Variants in SLC22A23 observed in about 807,000 individuals in gnomAD.
The protein encoded by SLC22A23 is solute carrier family 22 member 23.
Under a neutral mutation model 61.0 loss-of-function variants are expected in SLC22A23, and 26 were observed. That is an observed-to-expected ratio of 0.43 (90% confidence interval 0.31 to 0.59). The LOEUF (loss-of-function observed/expected upper bound fraction) is 0.59, where lower values mean the gene tolerates loss of function less well. Among genes scored for constraint, SLC22A23 ranks in the 20% least tolerant of loss-of-function variants. SLC22A23 has a pLI of 0.11. For synonymous variants in SLC22A23, 430 were observed against 413.9 expected, an observed-to-expected ratio of 1.04 and a Z score of -0.47; for missense variants, 796 against 934.7, an observed-to-expected ratio of 0.85 and a Z score of 1.94.
chr6:3,298,268 A>T (rs372446269), intron 4 of SLC22A23, 50 bp from the exon 5 acceptor site: 25 of 1,554,964 alleles, frequency 1.6e-5, no homozygotes, highest in Non-Finnish European at 2.2e-5. Context: ...TCTGCACGGC[A>T]CCGGGAAGTG....
At position 3,328,039 on chromosome 6, in the gene SLC22A23, C is replaced by T. The variant is rs575102575; in HGVS notation, c.914-4037G>A. 1.4e-4 allele frequency among the ~76,000 whole-genome samples: 22 copies of T among 152,074 alleles called. No homozygotes were observed. The highest frequency in any genetic ancestry group is 4.8e-4 in the African/African-American group (20 of 41,466). Reference sequence around the variant, plus strand: ...CATAACAATATAATTATTGCCAAGTCGCTCATTGGTCTCATTCGACATGGT... The same window carrying T: ...CATAACAATATAATTATTGCCAAGTTGCTCATTGGTCTCATTCGACATGGT... On this transcript the variant is annotated intron_variant, in intron 3 of 9. Coordinates refer to ENST00000406686, the MANE Select transcript of SLC22A23 (RefSeq NM_015482.2). The surrounding 1 kb of genome is among the most constrained non-coding windows in gnomAD (Gnocchi z 5.0).
chr6:3,341,975 G>A lies in SLC22A23; in HGVS notation c.914-17973C>T, dbSNP rs183746878. ...GGGCCCAAGTGATTATCTATATTTC[G>A]ATTCATGGATAGAGGAAGACATCTG... is the stretch of plus-strand genomic sequence containing the variant. On this transcript the variant is annotated intron_variant, in intron 3 of 9. Transcript: ENST00000406686. 4.3e-3 allele frequency among the ~76,000 whole-genome samples: 659 copies of A among 152,024 alleles called. 4 individuals are homozygous for A. The highest frequency in any genetic ancestry group is 0.01 in the Middle Eastern group (3 of 294).
At chr6:3,301,472 G>A (rs1380520360) in intron 4 of SLC22A23, among the ~76,000 whole-genome samples, 1 of 152,226 alleles carries the variant, frequency 6.6e-6, no homozygotes, top group African/African-American at 2.4e-5. Context: ...AGTCTCTACA[G>A]TTTTGAAATA....
At chr6:3,364,115 G>A (rs1765653018) in intron 3 of SLC22A23, among the ~76,000 whole-genome samples, 1 of 152,168 alleles carries the variant, frequency 6.6e-6, no homozygotes, top group African/African-American at 2.4e-5. Flanking sequence ...AACCTCTTTG[G>A]GATGAGTCAA....
intron 4 of SLC22A23, among the ~76,000 whole-genome samples, chr6:3,323,082 T>G (rs1312831147): frequency 6.6e-6 from 1 of 152,096 alleles, no homozygotes; most frequent in African/African-American, 2.4e-5. Context: ...GTTGCCCAGG[T>G]CAAACCCCCT....
chr6:3,383,594 T>C (rs1182438926), intron 3 of SLC22A23, among the ~76,000 whole-genome samples: 1 of 152,212 alleles, frequency 6.6e-6, no homozygotes, highest in Admixed American at 6.5e-5. Flanking sequence ...CCTCTGACTC[T>C]GATGTGAGGG....
chr6:3,273,154 G>A lies in SLC22A23; in HGVS notation c.1962C>T (p.Thr654=). The A allele has an allele frequency of 6.2e-7, 1 of 1,611,934 alleles. No homozygotes were observed. Among genetic ancestry groups the A allele is most frequent in the Non-Finnish European group, 8.5e-7 (1 of 1,179,844 alleles). ...CCGAGTAGTCCTTGAGCTCGGCGTT[G>A]GTGAGCAGCAGTGGCTGCTCCCCCT... ...HKKGEQPLLL[T]NAELKDYSGL... is the part of the protein sequence containing the mutation. The change falls in exon 10 of 10, where the codon ACC becomes ACT. Residue 654 remains threonine (T), a synonymous_variant. Transcript: ENST00000406686.
chr6:3,432,802 T>G (rs572435287), intron 1 of SLC22A23, among the ~76,000 whole-genome samples: 34 of 152,318 alleles, frequency 2.2e-4, no homozygotes, highest in African/African-American at 7.5e-4. Context: ...TCGTTGCTCT[T>G]TTTAAGGTTT....
chr6:3,310,238 C>G (rs1182686174), intron 4 of SLC22A23, among the ~76,000 whole-genome samples: 1 of 147,200 alleles, frequency 6.8e-6, no homozygotes, highest in Non-Finnish European at 1.5e-5. Flanking sequence ...CACTGGAGCA[C>G]CCTGTCTCCC....
chr6:3,285,027 A>C (rs1759847602), intron 8 of SLC22A23, 52 bp downstream of exon 8: 1 of 1,603,990 alleles, frequency 6.2e-7, no homozygotes, highest in Non-Finnish European at 8.5e-7. Context: ...GAAAACACCC[A>C]TTTAGATGTA....
intron 1 of SLC22A23, among the ~76,000 whole-genome samples, chr6:3,440,474 G>A (rs928062357): frequency 1.5e-4 from 23 of 152,168 alleles, no homozygotes; most frequent in Admixed American, 2.6e-4. Context: ...TTGGGAGGCC[G>A]AGGCAGGTGG....
chr6:3,283,563 C>T (rs1759679199), intron 9 of SLC22A23: 1 of 397,594 alleles, frequency 2.5e-6, no homozygotes, highest in East Asian at 5.6e-5. Flanking sequence ...GCTGCACTCC[C>T]CCCCTTGCCA....
chr6:3,428,226 G>A (rs1770632172), intron 1 of SLC22A23, among the ~76,000 whole-genome samples: 1 of 152,176 alleles, frequency 6.6e-6, no homozygotes, highest in Admixed American at 6.5e-5. Context: ...CCCAAGTCGC[G>A]GCCCTCACCA....
At chr6:3,278,563 G>A (rs114901277) in intron 9 of SLC22A23, among the ~76,000 whole-genome samples, 168 of 152,348 alleles carry the variant, frequency 1.1e-3, no homozygotes, top group Non-Finnish European at 1.9e-3. Flanking sequence ...ACAGGCACGT[G>A]CTGTTTGTGC....
In SLC22A23 at chr6:3,351,201, G is replaced by T. The variant is rs184541979; in HGVS notation, c.914-27199C>A. Reference sequence around the variant, plus strand: ...AGGAAAGAAAGTGAGAGCTAGAGAGGCCCTCGCAGTTAAAGCCCCCAGCTT... The same window carrying T: ...AGGAAAGAAAGTGAGAGCTAGAGAGTCCCTCGCAGTTAAAGCCCCCAGCTT... On this transcript the variant is annotated intron_variant, in intron 3 of 9. Transcript: ENST00000406686. Among the ~76,000 whole-genome samples the T allele has an allele frequency of 1.8e-3, 269 of 152,248 alleles. 2 individuals carry two copies. The highest frequency in any genetic ancestry group is 6.1e-3 in the African/African-American group (255 of 41,542).
At position 3,456,445 on chromosome 6, in the gene SLC22A23, C is replaced by A; in HGVS notation, c.115G>T (p.Gly39Trp). The A allele has an allele frequency of 8.1e-7, 1 of 1,228,296 alleles. No individual in the cohort carries two copies. Among genetic ancestry groups the A allele is most frequent in the Non-Finnish European group, 1.0e-6 (1 of 988,258 alleles). The allele number at this position is 1,228,296 out of a possible 1,614,324, so 76.1% of individuals were successfully genotyped here. A position where few individuals can be genotyped will look rare whatever the true frequency, so the allele number is the denominator to read the frequency against. ...PGDAAASAPL[G>W]GRAGPGGGAE... is the part of the protein sequence containing the mutation. Reference sequence around the variant, plus strand: ...CCGCCGCCGGGGCCCGCGCGTCCCCCGAGGGGCGCCGAGGCCGCCGCGTCC... The same window carrying A: ...CCGCCGCCGGGGCCCGCGCGTCCCCAGAGGGGCGCCGAGGCCGCCGCGTCC... The change falls in exon 1 of 10, where the codon GGG (glycine) becomes TGG (tryptophan). Residue 39 changes from glycine (G) to tryptophan (W), a missense_variant. Transcript: ENST00000406686. This position sits in a 1 kb window ranked among gnomAD's most constrained non-coding sequence, Gnocchi z 7.1.
chr6:3,449,584 A>C (rs912030779), intron 1 of SLC22A23, among the ~76,000 whole-genome samples: 6 of 152,264 alleles, frequency 3.9e-5, no homozygotes, highest in Non-Finnish European at 1.5e-5. Context: ...AACTTCCTTC[A>C]TAACAAGAGA....
rs141437724 is a variant in SLC22A23, at chr6:3,413,843, A to G, written c.758+1909T>C. 4.5e-3 allele frequency among the ~76,000 whole-genome samples: 686 copies of G among 152,290 alleles called. 6 individuals carry two copies. The highest frequency in any genetic ancestry group is 0.016 in the African/African-American group (648 of 41,558). ...GAGTTGGAAAATACCAAGCTTTCAA[A>G]CTGAAAGGGAAGGCCACTCAAAATG... On this transcript the variant is annotated intron_variant, in intron 2 of 9. Transcript: ENST00000406686.
At position 3,323,869 on chromosome 6, in the gene SLC22A23, G is replaced by A. The variant is rs1378075992; in HGVS notation, c.1047C>T (p.Ile349=). 19 of 1,613,992 alleles carry A rather than the reference G, an allele frequency of 1.2e-5. No homozygotes were observed. Among genetic ancestry groups the A allele is most frequent in the Non-Finnish European group, 1.5e-5 (18 of 1,180,006 alleles). Reference sequence around the variant, plus strand: ...GCAGCATGAGCAGGAAGGGGCAGATGATGAGGGCCTGCAGCACCTGCCAAT... The same window carrying A: ...GCAGCATGAGCAGGAAGGGGCAGATAATGAGGGCCTGCAGCACCTGCCAAT... The part of the protein sequence containing the change: ...CRDWQVLQAL[I]ICPFLLMLLY... Residue 349 remains isoleucine (I), a synonymous_variant, in exon 4 of 10, where the codon ATC becomes ATT. Transcript: ENST00000406686.
Sources: allele counts gnomAD v4.1 joint callset (sites outside exome capture counted in the v4.1 genomes callset), GRCh38; gene constraint gnomAD v4.1.1; non-coding constraint Gnocchi (gnomAD v3.1); transcripts MANE v1.5; gene names NCBI Gene and HGNC (gene_info 2026-07-23, HGNC 2026-07-21).